The following MFHAS1 variants were observed in gnomAD, a reference collection of about 807,000 sequenced individuals.
The protein encoded by MFHAS1 is multifunctional ROCO family signaling regulator 1, also known as malignant fibrous histiocytoma-amplified sequence 1.
A neutral mutation model predicts 70.4 loss-of-function variants in MFHAS1; 50 were observed. The observed-to-expected ratio is 0.71, with a 90% CI of 0.57 to 0.90. The LOEUF (loss-of-function observed/expected upper bound fraction) is 0.90. Among genes scored for constraint, MFHAS1 ranks in the 40% least tolerant of loss-of-function variants. MFHAS1 has a pLI of 0.00. For missense variants in MFHAS1, 1,795 were observed against 1,347.6 expected (o/e 1.33, Z -5.20); for synonymous variants, 952 against 620.0 (o/e 1.54, Z -7.96).
chr8:8,867,590 C>T (rs549026401), intron 1 of MFHAS1, among the ~76,000 whole-genome samples: 3 of 149,786 alleles, frequency 2.0e-5, no homozygotes, highest in South Asian at 2.1e-4. Flanking sequence ...GGTGGAGTCT[C>T]GCTGTCTCCT....
intron 2 of MFHAS1, among the ~76,000 whole-genome samples, chr8:8,788,883 G>T (rs964069370): frequency 1.3e-5 from 2 of 152,278 alleles, no homozygotes; most frequent in East Asian, 3.9e-4. Context: ...ACCTCCCATG[G>T]TAAGGGAGTA....
chr8:8,796,064 G>C (rs1045592855), intron 2 of MFHAS1, among the ~76,000 whole-genome samples: 1 of 152,174 alleles, frequency 6.6e-6, no homozygotes, highest in African/African-American at 2.4e-5. Flanking sequence ...CAGCTTAAAA[G>C]CGGCCTCTTT....
intron 1 of MFHAS1, among the ~76,000 whole-genome samples, chr8:8,813,743 C>G (rs890294219): frequency 1.3e-5 from 2 of 151,996 alleles, no homozygotes; most frequent in African/African-American, 4.8e-5. Context: ...TTACAGTAAG[C>G]TAAGGTTAAT....
intron 1 of MFHAS1, among the ~76,000 whole-genome samples, chr8:8,828,970 C>T (rs770513454): frequency 4.6e-5 from 7 of 152,168 alleles, no homozygotes; most frequent in Non-Finnish European, 7.3e-5. Flanking sequence ...TCTTCCGGCC[C>T]GTTACTGCAG....
In MFHAS1 at chr8:8,891,388, C is replaced by G. The variant is rs1429066828; in HGVS notation, c.1671G>C (p.Gln557His). The change falls in exon 1 of 3, where the codon CAG becomes CAC. Residue 557 changes from glutamine to histidine, a missense_variant. Physicochemically the swap from Gln to His is conservative, Grantham distance 24 (BLOSUM62 0). Coordinates refer to ENST00000276282, the MANE Select transcript of MFHAS1 (RefSeq NM_004225.3). The surrounding 1 kb of genome is among the most constrained non-coding windows in gnomAD (Gnocchi z 5.4). ...LEEKCLDIHR[Q>H]IALQEKHDAE... ...CGTCGTGCTTCTCCTGCAGGGCGAT[C>G]TGGCGGTGAATGTCCAGACATTTCT... 1 of 1,612,140 alleles carries G rather than the reference C, an allele frequency of 6.2e-7. No homozygotes were observed. The highest frequency in any genetic ancestry group is 1.7e-5 in the Admixed American group (1 of 60,028).
At chr8:8,801,697 C>A (rs894398684) in intron 1 of MFHAS1, among the ~76,000 whole-genome samples, 6 of 152,168 alleles carry the variant, frequency 3.9e-5, no homozygotes, top group Admixed American at 1.3e-4. Context: ...CATTATTTCA[C>A]TGAGTAACTA....
chr8:8,789,668 GAGGGAC>G (rs1805663028), intron 2 of MFHAS1, among the ~76,000 whole-genome samples: 8 of 152,094 alleles, frequency 5.3e-5, no homozygotes, highest in Non-Finnish European at 2.9e-5. Flanking sequence ...GCAAACTCTG[GAGGGAC>G]TGCCCCTCCT....
chr8:8,882,737 A>C (rs1450339961), intron 1 of MFHAS1, among the ~76,000 whole-genome samples: 1 of 152,254 alleles, frequency 6.6e-6, no homozygotes, highest in Non-Finnish European at 1.5e-5. Flanking sequence ...ATGCTAGAGC[A>C]GCCTTGGAGA....
At chr8:8,856,250 G>A (rs1290226012) in intron 1 of MFHAS1, among the ~76,000 whole-genome samples, 4 of 152,178 alleles carry the variant, frequency 2.6e-5, no homozygotes, top group Non-Finnish European at 5.9e-5. Context: ...CTGGTCAGGT[G>A]GGGTCAAGCC....
chr8:8,837,005 T>G (rs1162423271), intron 1 of MFHAS1, among the ~76,000 whole-genome samples: 1 of 152,242 alleles, frequency 6.6e-6, no homozygotes, highest in Middle Eastern at 3.2e-3. Flanking sequence ...AAAGAGATTT[T>G]AAGCATTTTT....
chr8:8,874,813 G>C (rs1169109831), intron 1 of MFHAS1, among the ~76,000 whole-genome samples: 1 of 150,402 alleles, frequency 6.6e-6, no homozygotes, highest in Non-Finnish European at 1.5e-5. Flanking sequence ...GCAAAGAGGG[G>C]AACAAGCTAG....
chr8:8,829,855 G>T (rs569448497), intron 1 of MFHAS1, among the ~76,000 whole-genome samples: 5 of 152,302 alleles, frequency 3.3e-5, no homozygotes, highest in African/African-American at 1.2e-4. Context: ...TCCACAAATG[G>T]AACAGATTGC....
chr8:8,844,023 C>A (rs1473328577), intron 1 of MFHAS1, among the ~76,000 whole-genome samples: 1 of 152,182 alleles, frequency 6.6e-6, no homozygotes, highest in South Asian at 2.1e-4. Context: ...ACATGGGTGT[C>A]ATGCTGAAAG....
At chr8:8,874,957 G>C (rs1428146947) in intron 1 of MFHAS1, among the ~76,000 whole-genome samples, 3 of 148,684 alleles carry the variant, frequency 2.0e-5, no homozygotes, top group South Asian at 4.3e-4. Flanking sequence ...TGTTATTAGA[G>C]GATTCAGAAA....
At chr8:8,833,169 G>C (rs1233369968) in intron 1 of MFHAS1, among the ~76,000 whole-genome samples, 16 of 152,144 alleles carry the variant, frequency 1.1e-4, no homozygotes, top group Admixed American at 9.2e-4. Flanking sequence ...AGGGGGACTG[G>C]TGCTACACCA....
chr8:8,852,712 G>A (rs1158283202), intron 1 of MFHAS1, among the ~76,000 whole-genome samples: 1 of 152,148 alleles, frequency 6.6e-6, no homozygotes, highest in Non-Finnish European at 1.5e-5. Flanking sequence ...CTGAAGTCCA[G>A]AGAAAAAGCT....
At chr8:8,864,124 G>A (rs766884651) in intron 1 of MFHAS1, among the ~76,000 whole-genome samples, 15 of 152,190 alleles carry the variant, frequency 9.9e-5, no homozygotes, top group Non-Finnish European at 1.8e-4. Flanking sequence ...CTCCATGGCT[G>A]CAGTACCCGA....
At chr8:8,876,437 A>G (rs1809295044) in intron 1 of MFHAS1, among the ~76,000 whole-genome samples, 2 of 152,152 alleles carry the variant, frequency 1.3e-5, no homozygotes, top group African/African-American at 4.8e-5. Flanking sequence ...ATAAGATGCA[A>G]GAAACCACTG....
intron 1 of MFHAS1, among the ~76,000 whole-genome samples, chr8:8,833,998 T>C (rs1018098367): frequency 2.0e-5 from 3 of 151,936 alleles, no homozygotes; most frequent in African/African-American, 7.3e-5. Flanking sequence ...TGGTGGTACA[T>C]GTCTGTAATC....
Sources: gnomAD v4.1 joint callset for allele counts (sites outside exome capture counted in the v4.1 genomes callset) on GRCh38, gnomAD v4.1.1 for gene constraint, Gnocchi (gnomAD v3.1) non-coding constraint, MANE v1.5 for transcripts, NCBI Gene and HGNC (gene_info 2026-07-23, HGNC 2026-07-21) for gene names.